The following AGMO variants were observed in gnomAD, a reference collection of about 807,000 sequenced individuals.
AGMO encodes the protein alkylglycerol monooxygenase, also known as glyceryl-ether monooxygenase.
A neutral mutation model predicts 60.2 loss-of-function variants in AGMO; 75 were observed. That is an observed-to-expected ratio of 1.25 (90% CI 1.03 to 1.51). AGMO has a LOEUF of 1.51. Ranked by LOEUF, AGMO falls within the 40% of genes most tolerant of loss-of-function variation. The pLI, the probability that AGMO is intolerant of heterozygous loss-of-function variation, is 0.00. For missense variants in AGMO, 763 were observed against 525.5 expected (o/e 1.45, Z -4.42); for synonymous variants, 261 against 177.1 (o/e 1.47, Z -3.76).
chr7:15,561,829 G>A lies in AGMO; in HGVS notation c.17C>T (p.Ala6Val). 1 of 1,605,898 alleles carries A rather than the reference G, an allele frequency of 6.2e-7. No homozygotes were observed. The highest frequency in any genetic ancestry group is 1.3e-5 in the African/African-American group (1 of 74,510). ...CTGGGAAACTGAAACATCCTGCTGG[G>A]CTTCTGGGTTCTTCATTTCTGCCCT... MKNPE[A>V]QQDVSVSQGF... Residue 6 changes from alanine (A) to valine (V), a missense_variant, in exon 1 of 13, where the codon GCC becomes GTC. Physicochemically the swap from Ala to Val is moderately conservative, Grantham distance 64. Transcript: ENST00000342526.
At chr7:15,187,785 A>T in the AGMO span, among the ~76,000 whole-genome samples, 1 of 152,130 alleles carries the variant, frequency 6.6e-6, no homozygotes, top group East Asian at 1.9e-4. Flanking sequence ...AGAAGAGTCA[A>T]GAAAGGGCTT....
chr7:15,508,776 A>T (rs962993633), intron 3 of AGMO, among the ~76,000 whole-genome samples: 1 of 152,218 alleles, frequency 6.6e-6, no homozygotes, highest in Non-Finnish European at 1.5e-5. Flanking sequence ...GGGAAAAAAA[A>T]ACCTAACCAT....
chr7:15,512,655 T>C (rs1783705487), intron 3 of AGMO, among the ~76,000 whole-genome samples: 1 of 152,256 alleles, frequency 6.6e-6, no homozygotes, highest in Admixed American at 6.5e-5. Context: ...TATTGTCACT[T>C]AGTAAATTGC....
chr7:15,410,479 G>A (rs1158214728), intron 5 of AGMO, among the ~76,000 whole-genome samples: 1 of 151,526 alleles, frequency 6.6e-6, no homozygotes, highest in African/African-American at 2.4e-5. Context: ...AAAGTAAGTT[G>A]GGGATTCATT....
At chr7:15,332,759 ATTAT>A (rs1201785862) in intron 12 of AGMO, among the ~76,000 whole-genome samples, 14 of 152,182 alleles carry the variant, frequency 9.2e-5, no homozygotes, top group Admixed American at 2.0e-4. Context: ...CAAAATAAAA[ATTAT>A]TTATCAAAAT....
chr7:15,447,748 T>C (rs1490162120), intron 3 of AGMO, among the ~76,000 whole-genome samples: 1 of 152,018 alleles, frequency 6.6e-6, no homozygotes, highest in African/African-American at 2.4e-5. Context: ...AGACAGGGTT[T>C]CGCCATGTTG....
At chr7:15,194,945 G>A in the AGMO span, among the ~76,000 whole-genome samples, 1 of 152,140 alleles carries the variant, frequency 6.6e-6, no homozygotes, top group South Asian at 2.1e-4. Flanking sequence ...CTCAGAAGGG[G>A]ATGTGTTAGT....
chr7:15,241,506 A>G (rs1011262888), intron 12 of AGMO, among the ~76,000 whole-genome samples: 1 of 148,620 alleles, frequency 6.7e-6, no homozygotes, highest in Non-Finnish European at 1.5e-5. Flanking sequence ...GAAGACACAG[A>G]GTAGACAGTC....
chr7:15,157,410 G>A, the AGMO span, among the ~76,000 whole-genome samples: 1 of 152,172 alleles, frequency 6.6e-6, no homozygotes, highest in Non-Finnish European at 1.5e-5. Context: ...TCTAACATCT[G>A]AGGGGAAGAA....
intron 5 of AGMO, among the ~76,000 whole-genome samples, chr7:15,403,425 G>C (rs1197387195): frequency 2.6e-5 from 4 of 151,844 alleles, no homozygotes; most frequent in Non-Finnish European, 4.4e-5. Context: ...ACTGCAGTAA[G>C]ATCTTTCAAG....
intron 5 of AGMO, among the ~76,000 whole-genome samples, chr7:15,412,459 C>A (rs1780640436): frequency 1.3e-5 from 2 of 151,800 alleles, no homozygotes; most frequent in Admixed American, 6.6e-5. Context: ...GGAAAGGGAG[C>A]CATAATATCT....
downstream of AGMO, among the ~76,000 whole-genome samples, chr7:15,195,460 G>A (rs982329297): frequency 2.0e-5 from 3 of 152,174 alleles, no homozygotes; most frequent in African/African-American, 7.2e-5. Context: ...CAGGTGTGAC[G>A]CTTACATAGT....
intron 5 of AGMO, among the ~76,000 whole-genome samples, chr7:15,402,557 C>A (rs10234846): frequency 0.54 from 80,316 of 148,192 alleles, 22,036 homozygotes; most frequent in Middle Eastern, 0.67. Context: ...GGGCACAAAT[C>A]TTATGTATTA....
chr7:15,195,821 A>T (rs1781103378), downstream of AGMO, among the ~76,000 whole-genome samples: 1 of 152,188 alleles, frequency 6.6e-6, no homozygotes. Context: ...ATGCCTTGTT[A>T]ACTCCTGTAT....
At chr7:15,446,096 C>A (rs777596330) in intron 3 of AGMO, among the ~76,000 whole-genome samples, 3 of 152,046 alleles carry the variant, frequency 2.0e-5, no homozygotes, top group Non-Finnish European at 4.4e-5. Context: ...CATTAAATTG[C>A]AAAATATTTA....
rs1177663751 is a variant in AGMO, at chr7:15,481,572, C to G, written c.410-50464G>C. The stretch of plus-strand genomic sequence containing the variant: ...ACAACATAACTTCAAAATGTATAAG[C>G]AAAAAGAAAAAGAAAAAACTAAAGG... On this transcript the variant is annotated intron_variant, in intron 3 of 12. Transcript: ENST00000342526. Among the ~76,000 whole-genome samples the G allele has an allele frequency of 2.0e-5, 3 of 151,592 alleles. No homozygotes were observed. The East Asian group carries it at 5.8e-4, about 29-fold the overall frequency.
chr7:15,171,095 C>T, the AGMO span, among the ~76,000 whole-genome samples: 1 of 152,094 alleles, frequency 6.6e-6, no homozygotes, highest in Non-Finnish European at 1.5e-5. Flanking sequence ...CATTCTCCTG[C>T]CTTAGCCTCC....
intron 3 of AGMO, among the ~76,000 whole-genome samples, chr7:15,525,429 A>T (rs7809175): frequency 0.62 from 94,509 of 151,810 alleles, 32,309 homozygotes; most frequent in East Asian, 0.95. Context: ...TTACACTGCC[A>T]TGCTCACCTT....
chr7:15,536,140 T>G (rs1784478983), intron 3 of AGMO, among the ~76,000 whole-genome samples: 1 of 151,908 alleles, frequency 6.6e-6, no homozygotes, highest in African/African-American at 2.4e-5. Flanking sequence ...CCCCTAAGTT[T>G]TACTCATTTA....
Sources: allele counts gnomAD v4.1 joint callset (sites outside exome capture counted in the v4.1 genomes callset), GRCh38; gene constraint gnomAD v4.1.1; transcripts MANE v1.5; gene names NCBI Gene and HGNC (gene_info 2026-07-23, HGNC 2026-07-21).